The following COBL variants were observed in gnomAD, a reference collection of about 807,000 sequenced individuals.
The protein encoded by COBL is protein cordon-bleu.
In COBL, 51 loss-of-function variants were observed where a neutral mutation model predicts 98.8. That is an observed-to-expected ratio of 0.52 (90% CI 0.41 to 0.65). The LOEUF (loss-of-function observed/expected upper bound fraction) is 0.65, where lower values mean the gene tolerates loss of function less well. Among genes scored for constraint, COBL ranks in the 30% least tolerant of loss-of-function variants. The pLI is 0.00. For missense variants in COBL, 1,617 were observed against 1,617.5 expected, an observed-to-expected ratio of 1.00 and a Z score of 0.01; for synonymous variants, 634 against 651.7, an observed-to-expected ratio of 0.97 and a Z score of 0.41.
rs547612408 is a variant in COBL at position 51,263,080 on chromosome 7, C to G, written c.42-43136G>C. 3.3e-5 allele frequency among the ~76,000 whole-genome samples: 5 copies of G among 152,206 alleles called. No individual in the cohort carries two copies. In the South Asian group the frequency reaches 6.2e-4, roughly 19 times the overall value. ...TAAGAGACATGGAGGTGTCGCCAGC[C>G]ACATTCTCATTAATACAAAGTGGTG... On this transcript the variant is annotated intron_variant, in intron 1 of 12. Transcript: ENST00000265136.
chr7:51,233,868 G>A (rs1231436041), intron 1 of COBL, among the ~76,000 whole-genome samples: 1 of 152,184 alleles, frequency 6.6e-6, no homozygotes, highest in Non-Finnish European at 1.5e-5. Context: ...ACTTGTGCAT[G>A]TTTGCTATAA....
At chr7:51,150,117 G>A (rs943184664) in intron 5 of COBL, among the ~76,000 whole-genome samples, 3 of 152,186 alleles carry the variant, frequency 2.0e-5, no homozygotes, top group Admixed American at 6.5e-5. Flanking sequence ...AACACTGCAA[G>A]GGGAAGGGAG....
At chr7:51,189,646 A>C (rs1253037627) in intron 4 of COBL, among the ~76,000 whole-genome samples, 1 of 152,154 alleles carries the variant, frequency 6.6e-6, no homozygotes, top group African/African-American at 2.4e-5. Flanking sequence ...AAAAATAAAA[A>C]AAAGAGAAAA....
At chr7:51,223,793 T>C (rs1480327307) in intron 1 of COBL, among the ~76,000 whole-genome samples, 2 of 152,186 alleles carry the variant, frequency 1.3e-5, no homozygotes, top group African/African-American at 4.8e-5. Context: ...CTTGGGGAGC[T>C]TAAAATATGC....
intron 2 of COBL, among the ~76,000 whole-genome samples, chr7:51,196,066 G>C (rs1399840906): frequency 2.0e-5 from 3 of 152,102 alleles, no homozygotes; most frequent in African/African-American, 7.2e-5. Flanking sequence ...GGGCATCCTT[G>C]TTTTATGCTG....
chr7:51,263,061 A>G (rs1797860550), intron 1 of COBL, among the ~76,000 whole-genome samples: 1 of 152,168 alleles, frequency 6.6e-6, no homozygotes, highest in Non-Finnish European at 1.5e-5. Context: ...GTGTTAAGAG[A>G]CATGGAGGTG....
chr7:51,081,011 G>A (rs75759786), intron 7 of COBL, among the ~76,000 whole-genome samples: 9,443 of 152,286 alleles, frequency 0.062, 489 homozygotes, highest in East Asian at 0.32. Context: ...TAAACAATGG[G>A]CAGGCTGGTT....
intron 6 of COBL, among the ~76,000 whole-genome samples, chr7:51,125,073 A>T (rs1476661236): frequency 7.9e-5 from 12 of 152,170 alleles, no homozygotes; most frequent in Non-Finnish European, 1.5e-4. Flanking sequence ...TCAGGCTCCC[A>T]AAGTGCTGGG....
chr7:51,029,852 TAAAA>T (rs1363651102), intron 9 of COBL, among the ~76,000 whole-genome samples: 2 of 152,190 alleles, frequency 1.3e-5, no homozygotes, highest in Non-Finnish European at 2.9e-5. Context: ...ATCCTTCACT[TAAAA>T]AACTGATTTG....
chr7:51,212,355 G>C (rs923937672), intron 2 of COBL, among the ~76,000 whole-genome samples: 1 of 152,194 alleles, frequency 6.6e-6, no homozygotes, highest in African/African-American at 2.4e-5. Flanking sequence ...TCCTAGTGCA[G>C]AGGGGCCACT....
chr7:51,049,567 C>T lies in COBL; in HGVS notation c.1097-5875G>A, dbSNP rs890451105. Among the ~76,000 whole-genome samples the T allele has an allele frequency of 1.2e-4, 19 of 152,228 alleles. 1 individual carries two copies. Among genetic ancestry groups the T allele is most frequent in the Admixed American group, 6.5e-4 (10 of 15,282 alleles). On this transcript the variant is annotated intron_variant, in intron 7 of 12. Transcript: ENST00000265136. ...TACATTTCAGTCAATTTAAGAGTTG[C>T]GAAGGTGGGATTCATGGACAATACC... is the stretch of plus-strand genomic sequence containing the variant.
chr7:51,267,300 C>G (rs1303829006), intron 1 of COBL, among the ~76,000 whole-genome samples: 2 of 152,142 alleles, frequency 1.3e-5, no homozygotes, highest in Non-Finnish European at 2.9e-5. Flanking sequence ...GGCACTCTGG[C>G]CTGAGGAGTG....
intron 1 of COBL, among the ~76,000 whole-genome samples, chr7:51,225,030 G>GCA (rs1339890489): frequency 6.6e-6 from 1 of 152,114 alleles, no homozygotes; most frequent in Non-Finnish European, 1.5e-5. Flanking sequence ...GATGGCCTGT[G>GCA]CACGTGGATG....
chr7:51,179,687 G>A (rs1788747763), intron 5 of COBL, among the ~76,000 whole-genome samples: 1 of 152,016 alleles, frequency 6.6e-6, no homozygotes, highest in Admixed American at 6.6e-5. Flanking sequence ...GTATCTTCAA[G>A]GAACCTTATG....
chr7:51,227,784 A>C (rs1794349306), intron 1 of COBL, among the ~76,000 whole-genome samples: 2 of 152,214 alleles, frequency 1.3e-5, no homozygotes, highest in African/African-American at 4.8e-5. Flanking sequence ...TCCTGTGAAG[A>C]CAAGAATTCC....
intron 5 of COBL, among the ~76,000 whole-genome samples, chr7:51,161,085 G>A (rs971912467): frequency 2.0e-5 from 3 of 152,002 alleles, no homozygotes; most frequent in Admixed American, 6.6e-5. Context: ...TCATAAACAC[G>A]TGGCTCAGCC....
At chr7:51,292,768 T>G (rs1367161577) in intron 1 of COBL, among the ~76,000 whole-genome samples, 4 of 152,208 alleles carry the variant, frequency 2.6e-5, no homozygotes, top group Admixed American at 2.6e-4. Context: ...GGCCCGTGGC[T>G]TGCCCAAGCC....
chr7:51,316,604 C>T lies in COBL; in HGVS notation c.30G>A (p.Lys10=). 8.3e-7 allele frequency: 1 copy of T among 1,203,720 alleles called. No individual in the cohort carries two copies. The highest frequency in any genetic ancestry group is 1.0e-6 in the Non-Finnish European group (1 of 970,010). The allele number at this position is 1,203,720 out of a possible 1,614,324, so 74.6% of individuals were successfully genotyped here. ...GCGGGGCCGCTTACCCGGTCGGGGG[C>T]TTGGCCGCCGAGGCGCGCGGCGCGT... The part of the protein sequence containing the change: MDAPRASAA[K]PPTGRKMKAR... Residue 10 remains lysine, a synonymous_variant, in exon 1 of 13, where the codon AAG becomes AAA. Coordinates refer to ENST00000265136, the MANE Select transcript of COBL (RefSeq NM_015198.5).
chr7:51,227,283 G>A (rs181572776), intron 1 of COBL, among the ~76,000 whole-genome samples: 13 of 152,256 alleles, frequency 8.5e-5, no homozygotes, highest in African/African-American at 2.4e-5. Flanking sequence ...AAGGTTCCAC[G>A]AGGCTCAGAT....
Sources: gnomAD v4.1 joint callset for allele counts (sites outside exome capture counted in the v4.1 genomes callset) on GRCh38, gnomAD v4.1.1 for gene constraint, MANE v1.5 for transcripts, NCBI Gene and HGNC (gene_info 2026-07-23, HGNC 2026-07-21) for gene names.